SPTLC3: variants seen among roughly 807,000 people sequenced by gnomAD.
SPTLC3 encodes serine palmitoyltransferase 3.
SPTLC3 carries 36 observed loss-of-function variants against 59.3 expected under a neutral mutation model. The ratio of observed to expected loss-of-function variants is 0.61; its 90% CI spans 0.47 to 0.80. The LOEUF (loss-of-function observed/expected upper bound fraction) is 0.80, where lower values mean the gene tolerates loss of function less well. Among genes scored for constraint, SPTLC3 ranks in the 30% least tolerant of loss-of-function variants. SPTLC3 has a pLI of 0.00. For synonymous variants in SPTLC3, 257 were observed against 240.8 expected (o/e 1.07, Z -0.62); for missense variants, 625 against 685.1 (o/e 0.91, Z 0.98).
At chr20:13,088,682 G>C (rs73610451) in intron 4 of SPTLC3, among the ~76,000 whole-genome samples, 3 of 146,008 alleles carry the variant, frequency 2.1e-5, no homozygotes, top group Non-Finnish European at 4.5e-5. Context: ...GCAGTGGCTC[G>C]ATCTCAGCTC....
At chr20:13,061,495 G>A (rs764400447) in intron 2 of SPTLC3, among the ~76,000 whole-genome samples, 7 of 152,118 alleles carry the variant, frequency 4.6e-5, no homozygotes, top group Non-Finnish European at 2.9e-5. Context: ...CTGTGCGCTA[G>A]CTCACAGTCA....
At chr20:13,162,666 G>A (rs561914537) in intron 11 of SPTLC3, among the ~76,000 whole-genome samples, 2 of 152,174 alleles carry the variant, frequency 1.3e-5, no homozygotes, top group Non-Finnish European at 2.9e-5. Context: ...ACTGACATGT[G>A]TGACAGTTGC....
chr20:13,083,626 A>G (rs549054663), intron 4 of SPTLC3, among the ~76,000 whole-genome samples: 90 of 152,340 alleles, frequency 5.9e-4, no homozygotes, highest in African/African-American at 2.0e-3. Context: ...CACATAGTTA[A>G]TGAATGGAAA....
At chr20:13,139,524 A>G (rs530214147) in intron 9 of SPTLC3, among the ~76,000 whole-genome samples, 1 of 152,280 alleles carries the variant, frequency 6.6e-6, no homozygotes, top group African/African-American at 2.4e-5. Context: ...TTGCTGACAA[A>G]GGGGTAAGAA....
intron 5 of SPTLC3, among the ~76,000 whole-genome samples, chr20:13,092,696 G>T (rs1435570356): frequency 6.6e-6 from 1 of 152,028 alleles, no homozygotes; most frequent in Non-Finnish European, 1.5e-5. Flanking sequence ...ACAAATATAT[G>T]GGAATTTTTG....
At chr20:13,074,307 C>G (rs761326250) in intron 3 of SPTLC3, 42 bp from the exon 4 acceptor site, 8 of 1,606,872 alleles carry the variant, frequency 5.0e-6, no homozygotes, top group Non-Finnish European at 6.8e-6. Flanking sequence ...GTGCATAATC[C>G]TGGGGAGGGG....
intron 8 of SPTLC3, among the ~76,000 whole-genome samples, chr20:13,120,763 G>A (rs1465558133): frequency 2.6e-5 from 4 of 152,192 alleles, no homozygotes; most frequent in African/African-American, 7.2e-5. Context: ...CTCACAAAGT[G>A]TCCTACAAAT....
At chr20:13,080,851 G>T (rs1295022242) in intron 4 of SPTLC3, among the ~76,000 whole-genome samples, 1 of 152,126 alleles carries the variant, frequency 6.6e-6, no homozygotes, top group Non-Finnish European at 1.5e-5. Context: ...AATCATTGCA[G>T]TGAGACTAAT....
chr20:13,094,224 G>T (rs1005177730), intron 6 of SPTLC3, among the ~76,000 whole-genome samples: 5 of 152,150 alleles, frequency 3.3e-5, no homozygotes, highest in Non-Finnish European at 7.4e-5. Flanking sequence ...CTGACTTACT[G>T]TGTCACTTTG....
chr20:13,036,930 G>C (rs1161356147), intron 1 of SPTLC3, among the ~76,000 whole-genome samples: 4 of 152,072 alleles, frequency 2.6e-5, no homozygotes, highest in Non-Finnish European at 5.9e-5. Context: ...TGAGGCTTTT[G>C]TTATTCTCTC....
intron 1 of SPTLC3, among the ~76,000 whole-genome samples, chr20:13,023,774 AG>A (rs1290178975): frequency 1.3e-5 from 2 of 152,284 alleles, no homozygotes; most frequent in African/African-American, 4.8e-5. Flanking sequence ...CCAAGCTTGG[AG>A]GTAGGGAGCA....
At chr20:13,125,359 G>A (rs1472898018) in intron 8 of SPTLC3, among the ~76,000 whole-genome samples, 1 of 152,190 alleles carries the variant, frequency 6.6e-6, no homozygotes, top group Non-Finnish European at 1.5e-5. Context: ...GTTCTCTGCT[G>A]CCAAAGGCAT....
intron 9 of SPTLC3, among the ~76,000 whole-genome samples, chr20:13,129,694 G>A (rs538306751): frequency 2.0e-5 from 3 of 152,238 alleles, no homozygotes; most frequent in Non-Finnish European, 2.9e-5. Flanking sequence ...TCCCTCCTCC[G>A]ATTGGTTCAT....
chr20:13,110,018 C>A, intron 6 of SPTLC3, 94 bp from the exon 7 acceptor site: 1 of 1,010,094 alleles, frequency 9.9e-7, no homozygotes, highest in South Asian at 1.7e-5. Flanking sequence ...AAGTTTAGGT[C>A]TGAGTGTGAA....
intron 2 of SPTLC3, among the ~76,000 whole-genome samples, chr20:13,070,929 A>G (rs182990448): frequency 2.6e-5 from 4 of 152,090 alleles, no homozygotes; most frequent in African/African-American, 7.2e-5. Context: ...GAACTCCCCA[A>G]GCATCCCTGC....
At chr20:13,138,813 T>C (rs2038313250) in intron 9 of SPTLC3, among the ~76,000 whole-genome samples, 1 of 152,194 alleles carries the variant, frequency 6.6e-6, no homozygotes, top group Non-Finnish European at 1.5e-5. Context: ...CCATCAGATA[T>C]GGAGGTGAGC....
chr20:13,065,289 G>A (rs1490694583), intron 2 of SPTLC3, among the ~76,000 whole-genome samples: 1 of 118,938 alleles, frequency 8.4e-6, no homozygotes, highest in Non-Finnish European at 1.7e-5. Flanking sequence ...TTTCTAAAGT[G>A]TTTCTGTGTA....
chr20:13,155,553 G>A (rs548450553), intron 10 of SPTLC3, among the ~76,000 whole-genome samples: 7 of 152,106 alleles, frequency 4.6e-5, no homozygotes, highest in East Asian at 1.9e-4. Context: ...AAGGCTGGGC[G>A]CGGTGGCTCA....
Position 13,009,045 on chromosome 20 carries a change from A to T in SPTLC3, c.-223A>T, listed in dbSNP as rs1300447513. 1 of 440,488 alleles carries T rather than the reference A, an allele frequency of 2.3e-6. No homozygotes were observed. The allele number at this position is 440,488 out of a possible 1,614,324, so 27.3% of individuals were successfully genotyped here. A position where few individuals can be genotyped will look rare whatever the true frequency, so the allele number is the denominator to read the frequency against. On this transcript the variant is annotated 5_prime_UTR_variant, in exon 1 of 12. Coordinates refer to ENST00000399002, the MANE Select transcript of SPTLC3 (RefSeq NM_018327.4). ...GCAGGTTTGTTGCCATGGAGTTCAC[A>T]TTTTGACGGGAGTTGAGAAGTATAA...
Sources: gnomAD v4.1 joint callset for allele counts (sites outside exome capture counted in the v4.1 genomes callset) on GRCh38, gnomAD v4.1.1 for gene constraint, MANE v1.5 for transcripts, NCBI Gene and HGNC (gene_info 2026-07-23, HGNC 2026-07-21) for gene names.